ENDOU: variants seen among roughly 807,000 people sequenced by gnomAD.
ENDOU encodes the protein uridylate-specific endoribonuclease.
A neutral mutation model predicts 54.2 loss-of-function variants in ENDOU; 49 were observed. The ratio of observed to expected loss-of-function variants is 0.90; its 90% CI spans 0.72 to 1.15. ENDOU has a LOEUF of 1.15. ENDOU is among the 50% of genes most tolerant of loss of function. The probability of loss-of-function intolerance (pLI) is 0.00; values close to 1 mark genes in which losing one functional copy is unlikely to be tolerated. For synonymous variants in ENDOU, 172 were observed against 190.5 expected, an observed-to-expected ratio of 0.90 and a Z score of 0.80; for missense variants, 458 against 511.4, an observed-to-expected ratio of 0.90 and a Z score of 1.01.
At chr12:47,716,236 C>T in intron 6 of ENDOU, 64 bp downstream of exon 6, 1 of 1,545,684 alleles carries the variant, frequency 6.5e-7, no homozygotes, top group Admixed American at 1.7e-5. Flanking sequence ...CCTTCCCCTC[C>T]CCCGCCCACC....
Position 47,710,757 on chromosome 12 carries a change from C to G in ENDOU, c.*45G>C. On this transcript the variant is annotated 3_prime_UTR_variant, in exon 10 of 10. Coordinates refer to ENST00000422538, the MANE Select transcript of ENDOU (RefSeq NM_001172439.2). ...CTCTAGTCCAGAGAAGATAGCACTT[C>G]AGTCTCGCAAGAGCCCTCATGCCCC... The G allele has an allele frequency of 7.8e-7, 1 of 1,281,064 alleles. No individual in the cohort carries two copies. Among genetic ancestry groups the G allele is most frequent in the Non-Finnish European group, 1.1e-6 (1 of 875,900 alleles). The allele number at this position is 1,281,064 out of a possible 1,614,324, so 79.4% of individuals were successfully genotyped here.
intron 6 of ENDOU, among the ~76,000 whole-genome samples, chr12:47,715,901 G>T (rs1940208610): frequency 6.6e-6 from 1 of 152,150 alleles, no homozygotes; most frequent in Non-Finnish European, 1.5e-5. Context: ...AGGGAGTAGA[G>T]TCAGCGACTC....
At chr12:47,717,097 G>A in intron 4 of ENDOU, 39 bp from the exon 5 acceptor site, 1 of 1,592,836 alleles carries the variant, frequency 6.3e-7, no homozygotes, top group Non-Finnish European at 8.6e-7. Context: ...CAGAGCCAGA[G>A]GGAAAGGGGG....
chr12:47,712,411 G>T lies in ENDOU; in HGVS notation c.972+105C>A, dbSNP rs1940058504. The T allele has an allele frequency of 4.9e-6, 4 of 819,160 alleles. No homozygotes were observed. In the Admixed American group the frequency reaches 9.1e-5, roughly 19 times the overall value. 50.7% of individuals were successfully genotyped at this position (819,160 alleles called of 1,614,324 possible). A position where few individuals can be genotyped will look rare whatever the true frequency, so the allele number is the denominator to read the frequency against. ...GACGTGATAGTCACAATCACCTGGG[G>T]CTGCCCCCTGAGAGTCAGGCTGAGA... is the stretch of plus-strand genomic sequence containing the variant. On this transcript the variant is annotated intron_variant, in intron 8 of 9. Coordinates refer to ENST00000422538, the MANE Select transcript of ENDOU (RefSeq NM_001172439.2).
chr12:47,718,774 G>T (rs1223059294), intron 2 of ENDOU, among the ~76,000 whole-genome samples: 3 of 152,126 alleles, frequency 2.0e-5, no homozygotes, highest in African/African-American at 7.2e-5. Flanking sequence ...CTCAGCTCTG[G>T]GTGGAGAAGG....
At position 47,710,427 on chromosome 12, in the gene ENDOU, A is replaced by G. The variant is rs1939943377; in HGVS notation, c.*375T>C. 6.3e-6 allele frequency: 1 copy of G among 158,988 alleles called. No homozygotes were observed. The highest frequency in any genetic ancestry group is 2.4e-5 in the African/African-American group (1 of 41,672). 9.8% of individuals were successfully genotyped at this position (158,988 alleles called of 1,614,324 possible). A position where few individuals can be genotyped will look rare whatever the true frequency, so the allele number is the denominator to read the frequency against. On this transcript the variant is annotated 3_prime_UTR_variant, in exon 10 of 10. Coordinates refer to ENST00000422538, the MANE Select transcript of ENDOU (RefSeq NM_001172439.2). ...TTGCCCTCTCACCAACCCCAAAAAGAGGAAAGTGGGCAAACCCCTTCCCTT... is the reference window on the plus strand; with the variant it reads ...TTGCCCTCTCACCAACCCCAAAAAGGGGAAAGTGGGCAAACCCCTTCCCTT...
At position 47,720,702 on chromosome 12, in the gene ENDOU, A is replaced by C. The variant is rs116477032; in HGVS notation, c.178+51T>G. On this transcript the variant is annotated intron_variant, in intron 2 of 9. Transcript: ENST00000422538. Reference sequence around the variant, plus strand: ...CTCTGGCCTGCTGGACACCCAGGCCAGTGGCCCCTTAGACAGGCTGGACAT... The same window carrying C: ...CTCTGGCCTGCTGGACACCCAGGCCCGTGGCCCCTTAGACAGGCTGGACAT... 3.1e-4 allele frequency: 473 copies of C among 1,528,378 alleles called. 6 individuals carry two copies. In the African/African-American group the frequency reaches 5.6e-3, roughly 18 times the overall value. The allele number at this position is 1,528,378 out of a possible 1,614,324, so 94.7% of individuals were successfully genotyped here.
intron 6 of ENDOU, 72 bp from the exon 7 acceptor site, chr12:47,713,460 G>T: frequency 1.0e-6 from 1 of 976,736 alleles, no homozygotes; most frequent in Non-Finnish European, 1.6e-6. Context: ...ACAGAGACCT[G>T]AAGAGCTACT....
intron 7 of ENDOU, 78 bp from the exon 8 acceptor site, chr12:47,712,700 C>A: frequency 1.9e-6 from 2 of 1,053,556 alleles, no homozygotes; most frequent in Non-Finnish European, 1.4e-6. Flanking sequence ...CCACCCCATG[C>A]CAAGGCTTCC....
Position 47,719,919 on chromosome 12 carries a change from T to G in ENDOU, c.178+834A>C, listed in dbSNP as rs150255272. Reference sequence around the variant, plus strand: ...CTCAGCAGACACAACTCTTCACCAGTGCACAAAACCTGATGAGAAGGATAC... The same window carrying G: ...CTCAGCAGACACAACTCTTCACCAGGGCACAAAACCTGATGAGAAGGATAC... On this transcript the variant is annotated intron_variant, in intron 2 of 9. Coordinates refer to ENST00000422538, the MANE Select transcript of ENDOU (RefSeq NM_001172439.2). The G allele has an allele frequency of 1.8e-4, 28 of 152,338 alleles. 1 individual carries two copies. Among genetic ancestry groups the G allele is most frequent in the African/African-American group, 6.5e-4 (27 of 41,586 alleles). The allele number at this position is 152,338 out of a possible 1,614,324, so 9.4% of individuals were successfully genotyped here.
At chr12:47,725,246 C>T (rs1940548881) in intron 1 of ENDOU, 113 bp downstream of exon 1, 3 of 1,192,278 alleles carry the variant, frequency 2.5e-6, no homozygotes, top group Admixed American at 1.7e-5. Context: ...TAGGACAGAG[C>T]TCACCCTCCC....
intron 1 of ENDOU, 140 bp downstream of exon 1, chr12:47,725,219 A>G: frequency 1.1e-6 from 1 of 897,910 alleles, no homozygotes; most frequent in Non-Finnish European, 1.8e-6. Flanking sequence ...GGACAACCCA[A>G]AAGTGCTCTG....
At chr12:47,716,231 C>A (rs1940225674) in intron 6 of ENDOU, 69 bp downstream of exon 6, 1 of 1,518,202 alleles carries the variant, frequency 6.6e-7, no homozygotes, top group African/African-American at 1.4e-5. Flanking sequence ...CCTAACCTTC[C>A]CCTCCCCCGC....
At chr12:47,713,894 C>A (rs1380611450) in intron 6 of ENDOU, among the ~76,000 whole-genome samples, 1 of 152,112 alleles carries the variant, frequency 6.6e-6, no homozygotes, top group East Asian at 1.9e-4. Flanking sequence ...AGGCTCCAGG[C>A]AGACTTGAGT....
At chr12:47,712,365 AG>A in intron 8 of ENDOU, 150 bp downstream of exon 8, 1 of 627,488 alleles carries the variant, frequency 1.6e-6, no homozygotes, top group South Asian at 1.9e-5. Context: ...GGCTGGCTAA[AG>A]TGGCTGTCTA....
intron 9 of ENDOU, 138 bp downstream of exon 9, chr12:47,711,495 G>A: frequency 1.9e-6 from 2 of 1,028,950 alleles, no homozygotes. Flanking sequence ...TCAAGCAAGA[G>A]AACTGAGGCC....
chr12:47,718,521 T>C (rs541703380), intron 2 of ENDOU, among the ~76,000 whole-genome samples: 98 of 152,354 alleles, frequency 6.4e-4, no homozygotes, highest in African/African-American at 2.3e-3. Context: ...GGCTTGATGC[T>C]GTCCTAATGA....
At chr12:47,725,275 C>G in intron 1 of ENDOU, 84 bp downstream of exon 1, 21 of 1,490,510 alleles carry the variant, frequency 1.4e-5, no homozygotes, top group Non-Finnish European at 1.9e-5. Flanking sequence ...CGGCCCTGCC[C>G]TCTACCAAGT....
intron 2 of ENDOU, 71 bp from the exon 3 acceptor site, chr12:47,718,265 T>G: frequency 7.1e-7 from 1 of 1,412,042 alleles, no homozygotes; most frequent in Non-Finnish European, 9.8e-7. Context: ...TCTGGTTCTC[T>G]GTTTCCCCAG....
Sources: gnomAD v4.1 joint callset for allele counts (sites outside exome capture counted in the v4.1 genomes callset) on GRCh38, gnomAD v4.1.1 for gene constraint, MANE v1.5 for transcripts, NCBI Gene and HGNC (gene_info 2026-07-23, HGNC 2026-07-21) for gene names.